Variants in NIPBL observed in about 807,000 individuals in gnomAD.
NIPBL encodes the protein nipped-B-like protein.
A neutral mutation model predicts 321.8 loss-of-function variants in NIPBL; 19 were observed. That is an observed-to-expected ratio of 0.06 (90% CI 0.04 to 0.09). The LOEUF (loss-of-function observed/expected upper bound fraction) is 0.09. NIPBL is among the 10% of genes least tolerant of loss of function. The pLI is 1.00. For missense variants in NIPBL, 2,210 were observed against 3,327.0 expected (o/e 0.66, Z 8.26); for synonymous variants, 1,106 against 1,114.1 (o/e 0.99, Z 0.14).
At chr5:37,049,052 T>C (rs1485440230) in intron 39 of NIPBL, 59 bp from the exon 40 acceptor site, 3 of 1,561,218 alleles carry the variant, frequency 1.9e-6, no homozygotes, top group African/African-American at 1.4e-5. Flanking sequence ...TTTTGAAATA[T>C]TTAGTAAAGT....
chr5:37,063,727 GA>G, intron 45 of NIPBL, 62 bp from the exon 46 acceptor site: 1 of 1,505,530 alleles, frequency 6.6e-7, no homozygotes, highest in Non-Finnish European at 9.1e-7. Flanking sequence ...AAACATTTAG[GA>G]ATTTGACAAT....
Position 37,020,755 on chromosome 5 carries a change from T to C in NIPBL, c.5226-20T>C. On this transcript the variant is annotated intron_variant, in intron 26 of 46. Coordinates refer to ENST00000282516, the MANE Select transcript of NIPBL (RefSeq NM_133433.4). ...GTTACAAAAAAAGAAAAATAAATTT[T>C]TAATGACTTTTTGTTGCAGGATGAA... The C allele has an allele frequency of 6.2e-7, 1 of 1,610,762 alleles. No homozygotes were observed. Among genetic ancestry groups the C allele is most frequent in the Non-Finnish European group, 8.5e-7 (1 of 1,177,010 alleles).
rs762456830 is a variant in NIPBL, at chr5:37,001,091, T to C, written c.3664+13T>C. The C allele has an allele frequency of 1.8e-5, 27 of 1,522,650 alleles. No homozygotes were observed. The highest frequency in any genetic ancestry group is 2.5e-5 in the Non-Finnish European group (27 of 1,098,968). The allele number at this position is 1,522,650 out of a possible 1,614,324, so 94.3% of individuals were successfully genotyped here. A position where few individuals can be genotyped will look rare whatever the true frequency, so the allele number is the denominator to read the frequency against. Reference sequence around the variant, plus strand: ...TTTACTGCGTTTGGTAAAATCAACTTAAAATACATTTACACATACTCTAAG... The same window carrying C: ...TTTACTGCGTTTGGTAAAATCAACTCAAAATACATTTACACATACTCTAAG... On this transcript the variant is annotated intron_variant, in intron 14 of 46. Coordinates refer to ENST00000282516, the MANE Select transcript of NIPBL (RefSeq NM_133433.4).
chr5:36,945,442 C>A (rs1482727125), intron 1 of NIPBL, among the ~76,000 whole-genome samples: 1 of 152,150 alleles, frequency 6.6e-6, no homozygotes, highest in African/African-American at 2.4e-5. Flanking sequence ...CCCTAAATCT[C>A]AACTTTATTT....
At chr5:36,893,606 G>A (rs925380033) in intron 1 of NIPBL, among the ~76,000 whole-genome samples, 26 of 151,888 alleles carry the variant, frequency 1.7e-4, no homozygotes, top group Admixed American at 1.4e-3. Flanking sequence ...ACTGCAGTGT[G>A]TTCAGCAATG....
intron 42 of NIPBL, among the ~76,000 whole-genome samples, chr5:37,054,183 G>A (rs159912): frequency 0.041 from 5,944 of 143,320 alleles, 409 homozygotes; most frequent in African/African-American, 0.15. Flanking sequence ...CCGACAGAGC[G>A]AGACTCCGTC....
intron 1 of NIPBL, among the ~76,000 whole-genome samples, chr5:36,923,537 A>G (rs1749116909): frequency 6.6e-6 from 1 of 152,200 alleles, no homozygotes; most frequent in African/African-American, 2.4e-5. Flanking sequence ...GCTTTTATAT[A>G]CATTCTTCTT....
At position 37,008,693 on chromosome 5, in the gene NIPBL, C is replaced by G; in HGVS notation, c.4391C>G (p.Pro1464Arg). 6.2e-7 allele frequency: 1 copy of G among 1,604,212 alleles called. No individual in the cohort carries two copies. Among genetic ancestry groups the G allele is most frequent in the Non-Finnish European group, 8.5e-7 (1 of 1,171,336 alleles). ...ATTTTTACTTCACTTGCAAGATTACCAACCAGCAAGAGGAGTTTAAGGAAC... is the reference window on the plus strand; with the variant it reads ...ATTTTTACTTCACTTGCAAGATTACGAACCAGCAAGAGGAGTTTAAGGAAC... ...EEIFTSLARL[P>R]TSKRSLRNFR... Residue 1464 changes from proline (P) to arginine (R), a missense_variant, in exon 20 of 47, where the codon CCA becomes CGA. Coordinates refer to ENST00000282516, the MANE Select transcript of NIPBL (RefSeq NM_133433.4).
rs548624563 is a variant in NIPBL at position 37,041,703 on chromosome 5, TAC to T, written c.6109-2642_6109-2641del. The stretch of plus-strand genomic sequence containing the variant: ...TTAGCCACCCAAGTAGCTGGGATTT[TAC>T]AGGTGTGCACCACCACACCCGGCTA... On this transcript the variant is annotated intron_variant, in intron 34 of 46. Coordinates refer to ENST00000282516, the MANE Select transcript of NIPBL (RefSeq NM_133433.4). 1.6e-3 allele frequency among the ~76,000 whole-genome samples: 241 copies of T among 152,186 alleles called. 3 individuals are homozygous for T. Among genetic ancestry groups the T allele is most frequent in the African/African-American group, 5.7e-3 (235 of 41,544 alleles).
In NIPBL at chr5:36,962,412, T is replaced by A. The variant is rs552530946; in HGVS notation, c.610+138T>A. 1.5e-5 allele frequency: 14 copies of A among 920,486 alleles called. 1 individual carries two copies. The South Asian group carries it at 2.0e-4, about 13-fold the overall frequency. The allele number at this position is 920,486 out of a possible 1,614,324, so 57.0% of individuals were successfully genotyped here. On this transcript the variant is annotated intron_variant, in intron 6 of 46. Coordinates refer to ENST00000282516, the MANE Select transcript of NIPBL (RefSeq NM_133433.4). ...TTGTCAGTAAACCTTTTTAAAGATATGGCTTAAATCATTAAAACAATGTTA... is the reference window on the plus strand; with the variant it reads ...TTGTCAGTAAACCTTTTTAAAGATAAGGCTTAAATCATTAAAACAATGTTA...
chr5:36,936,958 G>T (rs976637963), intron 1 of NIPBL, among the ~76,000 whole-genome samples: 1 of 152,064 alleles, frequency 6.6e-6, no homozygotes, highest in Non-Finnish European at 1.5e-5. Context: ...AATTAGGGAG[G>T]CTAATCAGTT....
chr5:37,064,166 CAAT>C (rs1755126953), intron 46 of NIPBL, 188 bp downstream of exon 46: 1 of 1,415,794 alleles, frequency 7.1e-7, no homozygotes, highest in East Asian at 2.5e-5. Flanking sequence ...ACATAAAAGA[CAAT>C]AAAAAAACAG....
intron 1 of NIPBL, among the ~76,000 whole-genome samples, chr5:36,937,350 T>C (rs1309072721): frequency 6.6e-6 from 1 of 152,162 alleles, no homozygotes; most frequent in Non-Finnish European, 1.5e-5. Flanking sequence ...CATTCTAAAT[T>C]TTTCTAACAC....
intron 11 of NIPBL, among the ~76,000 whole-genome samples, 192 bp from the exon 12 acceptor site, chr5:37,000,181 T>C (rs1196305051): frequency 6.6e-6 from 1 of 152,178 alleles, no homozygotes; most frequent in Non-Finnish European, 1.5e-5. Context: ...TCTTTAAATC[T>C]GGGTAGATTG....
At chr5:37,029,200 A>G (rs542926493) in intron 32 of NIPBL, among the ~76,000 whole-genome samples, 7 of 152,334 alleles carry the variant, frequency 4.6e-5, no homozygotes, top group Admixed American at 3.9e-4. Context: ...AACACAATGA[A>G]CATACAGGAT....
chr5:36,938,328 C>CCACA (rs142344023), intron 1 of NIPBL, among the ~76,000 whole-genome samples: 1 of 150,468 alleles, frequency 6.6e-6, no homozygotes, highest in African/African-American at 2.4e-5. Context: ...GAGGCACACA[C>CCACA]CACACACACA....
chr5:36,903,461 A>G (rs1419514172), intron 1 of NIPBL, among the ~76,000 whole-genome samples: 1 of 152,146 alleles, frequency 6.6e-6, no homozygotes, highest in African/African-American at 2.4e-5. Flanking sequence ...TATATTAGTA[A>G]TACCTATTAT....
chr5:36,876,809 CA>C lies in NIPBL; in HGVS notation c.-448del. Reference sequence around the variant, plus strand: ...GGAGAGACGGAACGAGAGAGAGACACACACAGGGCTCCTTCCCCCCGCCCTC... The same window carrying C: ...GGAGAGACGGAACGAGAGAGAGACACCACAGGGCTCCTTCCCCCCGCCCTC... On this transcript the variant is annotated 5_prime_UTR_variant, in exon 1 of 47. Coordinates refer to ENST00000282516, the MANE Select transcript of NIPBL (RefSeq NM_133433.4). 1 of 397,394 alleles carries C rather than the reference CA, an allele frequency of 2.5e-6. No individual in the cohort carries two copies. Among genetic ancestry groups the C allele is most frequent in the Non-Finnish European group, 4.4e-6 (1 of 225,174 alleles). The allele number at this position is 397,394 out of a possible 1,614,324, so 24.6% of individuals were successfully genotyped here. A position where few individuals can be genotyped will look rare whatever the true frequency, so the allele number is the denominator to read the frequency against.
chr5:36,990,893 T>C (rs1745427856), intron 10 of NIPBL, among the ~76,000 whole-genome samples: 1 of 152,120 alleles, frequency 6.6e-6, no homozygotes, highest in African/African-American at 2.4e-5. Flanking sequence ...AATAGGTATA[T>C]GATTTAACAG....
Sources: gnomAD v4.1 joint callset for allele counts (sites outside exome capture counted in the v4.1 genomes callset) on GRCh38, gnomAD v4.1.1 for gene constraint, MANE v1.5 for transcripts, NCBI Gene and HGNC (gene_info 2026-07-23, HGNC 2026-07-21) for gene names.